MSI2: variants seen among roughly 807,000 people sequenced by gnomAD.
The protein encoded by MSI2 is RNA-binding protein Musashi homolog 2.
MSI2 carries 17 observed loss-of-function variants against 45.6 expected under a neutral mutation model. The ratio of observed to expected loss-of-function variants is 0.37; its 90% CI spans 0.26 to 0.56. The LOEUF is 0.56. Among genes scored for constraint, MSI2 ranks in the 20% least tolerant of loss-of-function variants. The pLI, the probability that MSI2 is intolerant of heterozygous loss-of-function variation, is 0.77. For missense variants in MSI2, 293 were observed against 444.2 expected (o/e 0.66, Z 3.06); for synonymous variants, 156 against 158.2 (o/e 0.99, Z 0.11).
At chr17:57,530,300 G>A (rs1258831142) in intron 7 of MSI2, among the ~76,000 whole-genome samples, 1 of 152,178 alleles carries the variant, frequency 6.6e-6, no homozygotes, top group African/African-American at 2.4e-5. Context: ...TTAACCTGGA[G>A]TCTATGAACC....
intron 11 of MSI2, among the ~76,000 whole-genome samples, chr17:57,663,242 C>G (rs1426143882): frequency 6.6e-6 from 1 of 152,158 alleles, no homozygotes; most frequent in Non-Finnish European, 1.5e-5. Context: ...GGCTGGGCAC[C>G]CGGTACCATG....
intron 6 of MSI2, among the ~76,000 whole-genome samples, chr17:57,498,123 C>T (rs2143846312): frequency 6.6e-6 from 1 of 152,294 alleles, no homozygotes; most frequent in East Asian, 1.9e-4. Context: ...CCCCGCTACC[C>T]TTAAAAAGTA....
rs139095142 is a variant in MSI2, at chr17:57,349,566, G to GA, written c.313-51808dup. Among the ~76,000 whole-genome samples, 396 of 152,284 alleles carry GA rather than the reference G, an allele frequency of 2.6e-3. 4 individuals carry two copies. Among genetic ancestry groups the GA allele is most frequent in the African/African-American group, 9.0e-3 (373 of 41,550 alleles). Reference sequence around the variant, plus strand: ...GTACTGGGGGAAGAAGAAAGATGAGGAAAAATGAAATACTTGAATGATCTG... The same window carrying GA: ...GTACTGGGGGAAGAAGAAAGATGAGGAAAAAATGAAATACTTGAATGATCTG... On this transcript the variant is annotated intron_variant, in intron 5 of 13. Coordinates refer to ENST00000284073, the MANE Select transcript of MSI2 (RefSeq NM_138962.4).
Position 57,549,250 on chromosome 17 carries a change from G to T in MSI2, c.454+19526G>T, listed in dbSNP as rs567006495. On this transcript the variant is annotated intron_variant, in intron 7 of 13. Transcript: ENST00000284073. ...CATCTAAGACTTGGCCAGTTATGTG[G>T]GCTTGGTGCCTAGCCTGCAGGGGTT... is the stretch of plus-strand genomic sequence containing the variant. 5.3e-5 allele frequency among the ~76,000 whole-genome samples: 8 copies of T among 151,726 alleles called. No homozygotes were observed. In the South Asian group the frequency reaches 8.3e-4, roughly 16 times the overall value.
intron 6 of MSI2, among the ~76,000 whole-genome samples, chr17:57,521,396 G>T (rs1255025780): frequency 6.7e-6 from 1 of 148,254 alleles, no homozygotes; most frequent in East Asian, 2.0e-4. Context: ...TAATACCTGT[G>T]AAAATATTGG....
chr17:57,286,036 A>G (rs1052877233), intron 5 of MSI2: 92 of 1,484,964 alleles, frequency 6.2e-5, no homozygotes, highest in Non-Finnish European at 7.5e-5. Flanking sequence ...CATGCTGTTC[A>G]TATTAGCTAG....
chr17:57,277,461 G>A (rs924843061), intron 5 of MSI2, among the ~76,000 whole-genome samples: 5 of 152,196 alleles, frequency 3.3e-5, no homozygotes, highest in Non-Finnish European at 5.9e-5. Context: ...CTGTCTCTTG[G>A]TCTCTTAGCC....
chr17:57,480,343 A>G (rs1040924194), intron 6 of MSI2, among the ~76,000 whole-genome samples: 3 of 152,244 alleles, frequency 2.0e-5, no homozygotes, highest in African/African-American at 7.2e-5. Context: ...TAATGTTGGC[A>G]TGTTAGATAT....
rs576440005 is a variant in MSI2 at position 57,320,980 on chromosome 17, C to T, written c.312+58788C>T. ...TGGGCCCCTTTATCCCTCCTTGTTCCCCTCCTACCTTTCATCCAGCCCTCT... is the reference window on the plus strand; with the variant it reads ...TGGGCCCCTTTATCCCTCCTTGTTCTCCTCCTACCTTTCATCCAGCCCTCT... On this transcript the variant is annotated intron_variant, in intron 5 of 13. Transcript: ENST00000284073. Among the ~76,000 whole-genome samples, 7 of 152,088 alleles carry T rather than the reference C, an allele frequency of 4.6e-5. No individual in the cohort carries two copies. In the East Asian group the frequency reaches 7.8e-4, roughly 17 times the overall value.
chr17:57,276,141 A>G (rs981834015), intron 5 of MSI2, among the ~76,000 whole-genome samples: 1 of 152,154 alleles, frequency 6.6e-6, no homozygotes, highest in Non-Finnish European at 1.5e-5. Flanking sequence ...TCTAAGGCTG[A>G]AGGAGGAGGG....
At chr17:57,672,589 C>T (rs563949026) in intron 11 of MSI2, among the ~76,000 whole-genome samples, 1 of 152,348 alleles carries the variant, frequency 6.6e-6, no homozygotes, top group Admixed American at 6.5e-5. Context: ...GCCTGCCCAA[C>T]ACCTTCCTGG....
chr17:57,558,965 G>A (rs1171019510), intron 7 of MSI2, among the ~76,000 whole-genome samples: 1 of 152,180 alleles, frequency 6.6e-6, no homozygotes, highest in African/African-American at 2.4e-5. Context: ...GGGAGGCTGA[G>A]GCGGGAGAAT....
At chr17:57,672,156 C>T (rs892271809) in intron 11 of MSI2, among the ~76,000 whole-genome samples, 1 of 152,174 alleles carries the variant, frequency 6.6e-6, no homozygotes, top group African/African-American at 2.4e-5. Flanking sequence ...GCTGAGGCTC[C>T]GGCACCGTGA....
chr17:57,510,353 C>G (rs1448961570), intron 6 of MSI2, among the ~76,000 whole-genome samples: 3 of 150,952 alleles, frequency 2.0e-5, no homozygotes, highest in African/African-American at 7.3e-5. Context: ...GCTCATAAGC[C>G]TTTGGTTCCA....
chr17:57,498,629 C>T (rs548238968), intron 6 of MSI2, among the ~76,000 whole-genome samples: 2 of 152,292 alleles, frequency 1.3e-5, no homozygotes, highest in South Asian at 2.1e-4. Flanking sequence ...CTTCCTGTGC[C>T]GCGCGGGGAG....
At chr17:57,461,385 A>G (rs930574477) in intron 6 of MSI2, among the ~76,000 whole-genome samples, 2 of 152,232 alleles carry the variant, frequency 1.3e-5, no homozygotes, top group Admixed American at 1.3e-4. Context: ...GTGCTGATGT[A>G]TTAAAAAATT....
intron 6 of MSI2, among the ~76,000 whole-genome samples, chr17:57,439,921 T>G (rs2084765711): frequency 6.6e-6 from 1 of 152,052 alleles, no homozygotes; most frequent in African/African-American, 2.4e-5. Flanking sequence ...CATTGGAAAC[T>G]TCTGTCTGTG....
intron 8 of MSI2, among the ~76,000 whole-genome samples, chr17:57,607,281 A>G (rs11079310): frequency 0.25 from 37,743 of 152,166 alleles, 5,248 homozygotes; most frequent in East Asian, 0.39. Context: ...AAGATTATAA[A>G]TCTAACAGGT....
intron 5 of MSI2, among the ~76,000 whole-genome samples, chr17:57,377,401 T>TG (rs538998540): frequency 7.2e-5 from 11 of 152,360 alleles, no homozygotes; most frequent in Non-Finnish European, 1.6e-4. Context: ...TCACTGTGGC[T>TG]GGCTCCACAG....
Sources: gnomAD v4.1 joint callset for allele counts (sites outside exome capture counted in the v4.1 genomes callset) on GRCh38, gnomAD v4.1.1 for gene constraint, MANE v1.5 for transcripts, NCBI Gene and HGNC (gene_info 2026-07-23, HGNC 2026-07-21) for gene names.